Variants in ANK3 observed in about 807,000 individuals in gnomAD.
ANK3 encodes the protein ankyrin-3.
In ANK3, 57 loss-of-function variants were observed where a neutral mutation model predicts 370.9. The ratio of observed to expected loss-of-function variants is 0.15; its 90% confidence interval spans 0.12 to 0.19. The LOEUF is 0.19. Ranked by LOEUF, ANK3 falls within the 10% of genes least tolerant of loss-of-function variation. ANK3 has a pLI of 1.00. For missense variants in ANK3, 4,439 were observed against 5,302.1 expected, an observed-to-expected ratio of 0.84 and a Z score of 5.06; for synonymous variants, 1,929 against 1,946.3, an observed-to-expected ratio of 0.99 and a Z score of 0.23.
intron 2 of ANK3, among the ~76,000 whole-genome samples, chr10:60,466,233 G>A (rs1048607156): frequency 4.6e-5 from 7 of 152,228 alleles, no homozygotes; most frequent in Non-Finnish European, 8.8e-5. Flanking sequence ...GACTAGCTTC[G>A]GAGGAGGCAG....
chr10:60,400,971 T>G (rs1386294494), intron 2 of ANK3, among the ~76,000 whole-genome samples: 2 of 152,146 alleles, frequency 1.3e-5, no homozygotes, highest in Non-Finnish European at 2.9e-5. Context: ...ATAAAAATAA[T>G]TTTGAAAACT....
chr10:60,592,022 G>A (rs1306504173), intron 2 of ANK3, among the ~76,000 whole-genome samples: 2 of 152,146 alleles, frequency 1.3e-5, no homozygotes, highest in Non-Finnish European at 2.9e-5. Flanking sequence ...TAGCACAACA[G>A]GGTGACTATA....
chr10:60,183,596 C>G (rs1326307934), intron 17 of ANK3, among the ~76,000 whole-genome samples: 2 of 152,054 alleles, frequency 1.3e-5, no homozygotes, highest in African/African-American at 4.8e-5. Flanking sequence ...CAGTGGCTCA[C>G]GTCTATAATC....
chr10:60,257,362 T>C (rs967887903), intron 7 of ANK3, among the ~76,000 whole-genome samples: 2 of 152,158 alleles, frequency 1.3e-5, no homozygotes, highest in Non-Finnish European at 2.9e-5. Flanking sequence ...CACAACTAGA[T>C]CATCATAAAG....
rs74156407 is a variant in ANK3 at position 60,123,319 on chromosome 10, T to A, written c.2842-8988A>T. On this transcript the variant is annotated intron_variant, in intron 25 of 43. Transcript: ENST00000280772. ...ATGGAGTCCAAAGCCTGACTAATGA[T>A]GATATCACCGTCTCCAAGAGCTTAA... 3.3e-5 allele frequency among the ~76,000 whole-genome samples: 5 copies of A among 152,310 alleles called. No individual in the cohort carries two copies. The East Asian group carries it at 9.6e-4, about 29-fold the overall frequency.
intron 1 of ANK3, among the ~76,000 whole-genome samples, chr10:60,303,003 C>T (rs1402975053): frequency 6.6e-6 from 1 of 152,066 alleles, no homozygotes; most frequent in Non-Finnish European, 1.5e-5. Context: ...CCAGGATATC[C>T]ACATGCAGAA....
intron 1 of ANK3, among the ~76,000 whole-genome samples, chr10:60,336,036 C>A (rs78883134): frequency 1.1e-4 from 17 of 151,376 alleles, no homozygotes; most frequent in African/African-American, 4.2e-4. Context: ...TCTTCGGATG[C>A]GGAAGTTTGA....
In ANK3 at chr10:60,079,829, A is replaced by G. The variant is rs2084763298; in HGVS notation, c.4432+708T>C. 2.0e-5 allele frequency among the ~76,000 whole-genome samples: 3 copies of G among 151,332 alleles called. No homozygotes were observed. The South Asian group carries it at 6.3e-4, about 32-fold the overall frequency. ...GGAAAGGGAGGAGGAGGCAGACAGA[A>G]AGAGAGAGAGAGAGGGAGAATATAT... On this transcript the variant is annotated intron_variant, in intron 36 of 43. Transcript: ENST00000280772.
chr10:60,573,136 T>TA (rs943075284), intron 2 of ANK3, among the ~76,000 whole-genome samples: 75 of 148,200 alleles, frequency 5.1e-4, no homozygotes, highest in Admixed American at 2.8e-3. Flanking sequence ...ACTTGGTCTG[T>TA]AAAAAAAAAA....
intron 1 of ANK3, among the ~76,000 whole-genome samples, chr10:60,678,669 G>A (rs2079157101): frequency 6.6e-6 from 1 of 151,974 alleles, no homozygotes; most frequent in African/African-American, 2.4e-5. Flanking sequence ...TTCTGCTTTA[G>A]TCAACATTTA....
At chr10:60,449,125 G>C (rs914790104) in intron 2 of ANK3, among the ~76,000 whole-genome samples, 3 of 152,110 alleles carry the variant, frequency 2.0e-5, no homozygotes, top group African/African-American at 7.2e-5. Flanking sequence ...ATAAATGCTA[G>C]TATAGTAACA....
Position 60,206,302 on chromosome 10 carries a change from A to G in ANK3, c.1195-412T>C, listed in dbSNP as rs1301680243. Among the ~76,000 whole-genome samples, 5 of 152,040 alleles carry G rather than the reference A, an allele frequency of 3.3e-5. No individual in the cohort carries two copies. In the East Asian group the frequency reaches 7.7e-4, roughly 24 times the overall value. On this transcript the variant is annotated intron_variant, in intron 10 of 43. Transcript: ENST00000280772. ...AACCTGGCCAACACGGTGAAACCCC[A>G]TCTCTACTAAAAATACAAAAATTAG...
intron 1 of ANK3, among the ~76,000 whole-genome samples, chr10:60,327,026 G>A (rs1381112363): frequency 1.5e-4 from 21 of 139,742 alleles, no homozygotes; most frequent in African/African-American, 5.8e-4. Context: ...AAAAAAAAAA[G>A]TAAGCTCTCT....
chr10:60,357,835 C>T (rs1230246115), intron 1 of ANK3, among the ~76,000 whole-genome samples: 1 of 152,138 alleles, frequency 6.6e-6, no homozygotes, highest in African/African-American at 2.4e-5. Context: ...TGCCACTCTG[C>T]CAACCTTCTG....
At chr10:60,038,040 GA>G (rs2075415237) in intron 43 of ANK3, among the ~76,000 whole-genome samples, 1 of 152,206 alleles carries the variant, frequency 6.6e-6, no homozygotes, top group South Asian at 2.1e-4. Flanking sequence ...ATTCTCTAAT[GA>G]ACAGTGATGC....
intron 1 of ANK3, among the ~76,000 whole-genome samples, chr10:60,313,814 A>G (rs192619999): frequency 2.0e-5 from 3 of 152,332 alleles, no homozygotes; most frequent in Admixed American, 2.0e-4. Flanking sequence ...ATTGATGACA[A>G]TATCTCATCT....
At chr10:60,302,069 G>A (rs2043936136) in intron 1 of ANK3, among the ~76,000 whole-genome samples, 1 of 152,124 alleles carries the variant, frequency 6.6e-6, no homozygotes. Flanking sequence ...TACAGTGGGG[G>A]AGGAAAAACA....
chr10:60,378,903 A>T (rs185874388), intron 1 of ANK3, among the ~76,000 whole-genome samples: 1 of 151,408 alleles, frequency 6.6e-6, no homozygotes. Context: ...ATAAAAAACA[A>T]TCAACAGAGT....
chr10:60,298,073 G>T (rs2042921843), intron 1 of ANK3, among the ~76,000 whole-genome samples: 3 of 152,018 alleles, frequency 2.0e-5, no homozygotes, highest in African/African-American at 4.8e-5. Context: ...TAACTTCACA[G>T]GATTTAAAAT....
Sources: allele counts gnomAD v4.1 joint callset (sites outside exome capture counted in the v4.1 genomes callset), GRCh38; gene constraint gnomAD v4.1.1; transcripts MANE v1.5; gene names NCBI Gene and HGNC (gene_info 2026-07-23, HGNC 2026-07-21).